GALC: variants seen among roughly 807,000 people sequenced by gnomAD.
The protein encoded by GALC is galactocerebrosidase.
GALC carries 77 observed loss-of-function variants against 91.8 expected under a neutral mutation model. The ratio of observed to expected loss-of-function variants is 0.84; its 90% CI spans 0.70 to 1.01. The LOEUF (loss-of-function observed/expected upper bound fraction) is 1.01, where lower values mean the gene tolerates loss of function less well. GALC is among the 50% of genes least tolerant of loss of function. The pLI is 0.00. For missense variants in GALC, 882 were observed against 855.9 expected, an observed-to-expected ratio of 1.03 and a Z score of -0.38; for synonymous variants, 357 against 306.7, an observed-to-expected ratio of 1.16 and a Z score of -1.71.
chr14:87,934,720 C>T lies in GALC; in HGVS notation c.*12G>A, dbSNP rs372641636. On this transcript the variant is annotated 3_prime_UTR_variant, in exon 17 of 17. Transcript: ENST00000261304. ...AGAAAATCCAGAGTATTCTATGATG[C>T]CCTGTTAAGTATTAGCGTGTGGCTT... 14 of 1,612,814 alleles carry T rather than the reference C, an allele frequency of 8.7e-6. No homozygotes were observed. The highest frequency in any genetic ancestry group is 1.1e-5 in the Non-Finnish European group (13 of 1,179,316).
intron 14 of GALC, among the ~76,000 whole-genome samples, chr14:87,945,007 C>A (rs2896069): frequency 0.46 from 69,585 of 151,820 alleles, 17,673 homozygotes; most frequent in East Asian, 0.75. Context: ...TTTAGTTTGG[C>A]ATTATATTTT....
In GALC at chr14:87,950,685, C is replaced by T. The variant is rs1404645132; in HGVS notation, c.1225G>A (p.Ala409Thr). Reference sequence around the variant, plus strand: ...AAAGATCCCTTAAGAACAAAGGTGGCAAATTGTTGTGACACATTGAAATAA... The same window carrying T: ...AAAGATCCCTTAAGAACAAAGGTGGTAAATTGTTGTGACACATTGAAATAA... ...LPYFNVSQQFATFVLKGSFSE... is the reference protein window; with the variant it reads ...LPYFNVSQQFTTFVLKGSFSE... Residue 409 changes from alanine to threonine, a missense_variant, in exon 11 of 17, where the codon GCC (alanine) becomes ACC (threonine). Ala to Thr is a moderately conservative substitution (Grantham distance 58, BLOSUM62 0). Coordinates refer to ENST00000261304, the MANE Select transcript of GALC (RefSeq NM_000153.4). The T allele has an allele frequency of 2.5e-6, 4 of 1,604,412 alleles. No homozygotes were observed. The African/African-American group carries it at 4.0e-5, about 16-fold the overall frequency.
chr14:87,937,877 T>C (rs1007939742), intron 16 of GALC, among the ~76,000 whole-genome samples: 1 of 151,552 alleles, frequency 6.6e-6, no homozygotes, highest in Non-Finnish European at 1.5e-5. Context: ...AATGGTGAAA[T>C]ATAGCATGCT....
intron 7 of GALC, among the ~76,000 whole-genome samples, chr14:87,974,192 T>G (rs757481832): frequency 6.6e-6 from 1 of 151,572 alleles, no homozygotes; most frequent in Non-Finnish European, 1.5e-5. Context: ...AATCTAACTC[T>G]ATGCTATATG....
At chr14:87,948,603 A>G (rs2139958437) in intron 12 of GALC, among the ~76,000 whole-genome samples, 1 of 152,118 alleles carries the variant, frequency 6.6e-6, no homozygotes, top group South Asian at 2.1e-4. Flanking sequence ...TGAAATTTGA[A>G]CAGTTTTTTT....
At position 87,986,570 on chromosome 14, in the gene GALC, G is replaced by A. The variant is rs1444846904; in HGVS notation, c.361C>T (p.Leu121=). 8 of 1,613,478 alleles carry A rather than the reference G, an allele frequency of 5.0e-6. No individual in the cohort carries two copies. The highest frequency in any genetic ancestry group is 1.3e-5 in the African/African-American group (1 of 74,866). The change falls in exon 4 of 17, where the codon CTA becomes TTA. Residue 121 remains leucine, a synonymous_variant. Coordinates refer to ENST00000261304, the MANE Select transcript of GALC (RefSeq NM_000153.4). ...TATCCTCGGAAATAATTCTCATCTA[G>A]TGCATAATGCATGTGGGAGGGCTCA... ...GTEPSHMHYA[L]DENYFRGYEW...
At chr14:87,980,949 T>C (rs932149372) in intron 6 of GALC, among the ~76,000 whole-genome samples, 12 of 152,378 alleles carry the variant, frequency 7.9e-5, no homozygotes, top group Admixed American at 2.6e-4. Flanking sequence ...AATTTTTTTC[T>C]ATAAACACGC....
rs574341633 is a variant in GALC at position 87,968,540 on chromosome 14, C to T, written c.753-50G>A. On this transcript the variant is annotated intron_variant, in intron 7 of 16. Transcript: ENST00000261304. The stretch of plus-strand genomic sequence containing the variant: ...AATGAAAAAAGGTCACGACGTGGCA[C>T]TTATATACGTATAGATTTGTTGAGT... The T allele has an allele frequency of 3.3e-5, 50 of 1,537,356 alleles. No individual in the cohort carries two copies. In the South Asian group the frequency reaches 5.0e-4, roughly 15 times the overall value.
chr14:87,944,911 G>T (rs945885190), intron 14 of GALC, among the ~76,000 whole-genome samples: 1 of 151,832 alleles, frequency 6.6e-6, no homozygotes, highest in South Asian at 2.1e-4. Context: ...AATCATACTA[G>T]TTATAGGAAA....
At position 87,986,547 on chromosome 14, in the gene GALC, T is replaced by A. The variant is rs770120463; in HGVS notation, c.384A>T (p.Gly128=). 2 of 1,613,764 alleles carry A rather than the reference T, an allele frequency of 1.2e-6. No individual in the cohort carries two copies. The highest frequency in any genetic ancestry group is 1.7e-6 in the Non-Finnish European group (2 of 1,179,834). ...CTTCTTTCATCAACCACCACTCGTA[T>A]CCTCGGAAATAATTCTCATCTAGTG... is the stretch of plus-strand genomic sequence containing the variant. ...HYALDENYFR[G]YEWWLMKEAK... The change falls in exon 4 of 17, where the codon GGA becomes GGT. Residue 128 remains glycine, a synonymous_variant. Transcript: ENST00000261304.
Position 87,934,696 on chromosome 14 carries a change from GA to G in GALC, c.*35del, listed in dbSNP as rs746502573. ...TGAACCAAAACCAAAAAGAAGGGAA[GA>G]AAATCCAGAGTATTCTATGATGCCC... On this transcript the variant is annotated 3_prime_UTR_variant, in exon 17 of 17. Transcript: ENST00000261304. 4 of 1,612,402 alleles carry G rather than the reference GA, an allele frequency of 2.5e-6. No homozygotes were observed. The highest frequency in any genetic ancestry group is 1.7e-6 in the Non-Finnish European group (2 of 1,179,046).
chr14:87,940,801 C>A (rs966525836), intron 15 of GALC, among the ~76,000 whole-genome samples: 7 of 151,862 alleles, frequency 4.6e-5, no homozygotes, highest in Non-Finnish European at 1.0e-4. Flanking sequence ...CCAGTAAGGT[C>A]TAGCTTCAAA....
chr14:87,948,961 A>C (rs77996053), intron 12 of GALC, among the ~76,000 whole-genome samples: 12,080 of 152,098 alleles, frequency 0.079, 582 homozygotes, highest in African/African-American at 0.12. Context: ...CCCAGAAAGC[A>C]CCATGGATGA....
At chr14:87,953,973 G>A in intron 10 of GALC, 1 of 1,609,144 alleles carries the variant, frequency 6.2e-7, no homozygotes, top group Non-Finnish European at 8.5e-7. Flanking sequence ...AGCATTTTGG[G>A]CATATACAGT....
intron 13 of GALC, 81 bp downstream of exon 13, chr14:87,947,647 T>C (rs1332183628): frequency 2.1e-5 from 29 of 1,355,090 alleles, no homozygotes; most frequent in Non-Finnish European, 3.0e-5. Context: ...CACTCCATCA[T>C]GCACCCAGTT....
intron 1 of GALC, 81 bp from the exon 2 acceptor site, chr14:87,988,604 T>A: frequency 1.0e-6 from 1 of 979,458 alleles, no homozygotes. Context: ...GCACACCACC[T>A]GGTATACACA....
intron 14 of GALC, among the ~76,000 whole-genome samples, chr14:87,945,010 T>C (rs1244478233): frequency 6.6e-6 from 1 of 152,060 alleles, no homozygotes; most frequent in Non-Finnish European, 1.5e-5. Flanking sequence ...AGTTTGGCAT[T>C]ATATTTTATG....
In GALC at chr14:87,963,266, C is replaced by G. The variant is rs1885885438; in HGVS notation, c.1161+118G>C. ...ATTTTTTAAATGAAAGCCATAAGAT[C>G]TTGGCATCTGTCTGTATGCTTATGT... On this transcript the variant is annotated intron_variant, in intron 10 of 16. Transcript: ENST00000261304. The G allele has an allele frequency of 4.6e-6, 5 of 1,076,278 alleles. No homozygotes were observed. The South Asian group carries it at 6.5e-5, about 14-fold the overall frequency. 66.7% of individuals were successfully genotyped at this position (1,076,278 alleles called of 1,614,324 possible). A position where few individuals can be genotyped will look rare whatever the true frequency, so the allele number is the denominator to read the frequency against.
intron 5 of GALC, among the ~76,000 whole-genome samples, 185 bp from the exon 6 acceptor site, chr14:87,982,428 T>C (rs544895423): frequency 4.6e-5 from 7 of 152,290 alleles, no homozygotes; most frequent in African/African-American, 1.7e-4. Flanking sequence ...TTTTAAAAAT[T>C]AAAATATTAT....
Sources: allele counts gnomAD v4.1 joint callset (sites outside exome capture counted in the v4.1 genomes callset), GRCh38; gene constraint gnomAD v4.1.1; transcripts MANE v1.5; gene names NCBI Gene and HGNC (gene_info 2026-07-23, HGNC 2026-07-21).